Variants in CCL24 observed in about 807,000 individuals in gnomAD.
The protein encoded by CCL24 is C-C motif chemokine ligand 24.
CCL24 carries 6 observed loss-of-function variants against 8.6 expected under a neutral mutation model. The observed-to-expected ratio is 0.70, with a 90% CI of 0.38 to 1.38. The LOEUF is 1.38. CCL24 is among the 40% of genes most tolerant of loss of function. CCL24 has a pLI of 0.02. For synonymous variants in CCL24, 59 were observed against 52.7 expected (o/e 1.12, Z -0.52); for missense variants, 126 against 147.1 (o/e 0.86, Z 0.74).
upstream of CCL24, among the ~76,000 whole-genome samples, chr7:75,814,959 C>A (rs1351807009): frequency 2.0e-5 from 3 of 152,176 alleles, no homozygotes; most frequent in South Asian, 2.1e-4. Flanking sequence ...AAACCACAAG[C>A]CCATGAATCC....
At chr7:75,819,077 T>C (rs1803955170) in intron 1 of CCL24, among the ~76,000 whole-genome samples, 2 of 148,830 alleles carry the variant, frequency 1.3e-5, no homozygotes, top group Non-Finnish European at 1.5e-5. Context: ...GGGACCAGCC[T>C]GACCAACATA....
upstream of CCL24, among the ~76,000 whole-genome samples, chr7:75,816,284 G>C (rs1462194024): frequency 6.6e-6 from 1 of 152,102 alleles, no homozygotes; most frequent in Non-Finnish European, 1.5e-5. Flanking sequence ...GTGTACACAA[G>C]GTAAGTCAGC....
intron 1 of CCL24, among the ~76,000 whole-genome samples, chr7:75,819,893 C>G (rs782763850): frequency 6.6e-6 from 1 of 152,012 alleles, no homozygotes; most frequent in Non-Finnish European, 1.5e-5. Context: ...GCTCACTCCT[C>G]CCAAGCTTTG....
At chr7:75,818,911 C>A (rs970794537) in intron 1 of CCL24, among the ~76,000 whole-genome samples, 11 of 151,502 alleles carry the variant, frequency 7.3e-5, no homozygotes, top group Non-Finnish European at 1.5e-5. Flanking sequence ...TTATGGTCAC[C>A]CTCTTTAATA....
chr7:75,819,298 AAAAAAATATATATATATATATATATATAT>A (rs1803970784), intron 1 of CCL24, among the ~76,000 whole-genome samples: 1 of 21,094 alleles, frequency 4.7e-5, no homozygotes, highest in African/African-American at 1.4e-4. Context: ...AAAAAAAAAA[AAAAAAATATATATATATATATATATATAT>A]ATATATATAT....
intron 1 of CCL24, among the ~76,000 whole-genome samples, chr7:75,820,923 TCATCCATC>T (rs150165581): frequency 3.0e-4 from 43 of 144,348 alleles, no homozygotes; most frequent in South Asian, 1.1e-3. Context: ...ATCCATCAAT[TCATCCATC>T]CATCCATCCA....
intron 1 of CCL24, among the ~76,000 whole-genome samples, chr7:75,819,038 G>A (rs900557391): frequency 6.7e-6 from 1 of 150,228 alleles, no homozygotes; most frequent in Non-Finnish European, 1.5e-5. Context: ...GGAGGCCAAG[G>A]TGGGCAGATC....
chr7:75,820,018 A>ACTTCTTCTT (rs1204717433), intron 1 of CCL24, among the ~76,000 whole-genome samples: 2,365 of 104,304 alleles, frequency 0.023, 64 homozygotes, highest in East Asian at 0.051. Flanking sequence ...TTAGTAAACT[A>ACTTCTTCTT]CTTCTTCTTC....
At chr7:75,820,203 T>C (rs1804017099) in intron 1 of CCL24, among the ~76,000 whole-genome samples, 1 of 149,716 alleles carries the variant, frequency 6.7e-6, no homozygotes. Flanking sequence ...CCTTCTTTTT[T>C]TGAGATGGAA....
rs576402713 is a variant in CCL24, at chr7:75,811,489, A to G, written c.*307T>C. Among the ~76,000 whole-genome samples, 115 of 152,046 alleles carry G rather than the reference A, an allele frequency of 7.6e-4. No individual in the cohort carries two copies. Among genetic ancestry groups the G allele is most frequent in the Non-Finnish European group, 1.3e-3 (91 of 67,966 alleles). ...GCGAGACTCCGTCTCAGAAAAAAAA[A>G]AAAAAGAAAAAGCATCAGAACCAGG... On this transcript the variant is annotated 3_prime_UTR_variant, in exon 3 of 3. Coordinates refer to ENST00000222902, the MANE Select transcript of CCL24 (RefSeq NM_002991.3).
At chr7:75,817,506 A>ATTTT (rs35946971), upstream of CCL24, among the ~76,000 whole-genome samples, 3 of 143,662 alleles carry the variant, frequency 2.1e-5, no homozygotes, top group East Asian at 2.1e-4. Flanking sequence ...AAAATATCCA[A>ATTTT]TTTTTTTTTT....
upstream of CCL24, among the ~76,000 whole-genome samples, chr7:75,816,231 A>G (rs1179989616): frequency 7.2e-5 from 11 of 152,044 alleles, no homozygotes; most frequent in Non-Finnish European, 1.5e-5. Flanking sequence ...TGGACCAGGG[A>G]CTCCTGTGTG....
chr7:75,820,140 C>CTCT, intron 1 of CCL24, among the ~76,000 whole-genome samples: 1 of 133,180 alleles, frequency 7.5e-6, no homozygotes, highest in Non-Finnish European at 1.6e-5. Flanking sequence ...TCTCCTCCTC[C>CTCT]TCCTCCTCCT....
chr7:75,813,421 A>G lies in CCL24; in HGVS notation c.76T>C (p.Ser26Pro), dbSNP rs201420833. 6.2e-7 allele frequency: 1 copy of G among 1,600,828 alleles called. No individual in the cohort carries two copies. The highest frequency in any genetic ancestry group is 2.2e-5 in the East Asian group (1 of 44,758). Residue 26 changes from serine to proline, a missense_variant and splice_region_variant, in exon 2 of 3, where the codon TCT becomes CCT. Physicochemically the swap from Ser to Pro is moderately conservative, Grantham distance 74. Transcript: ENST00000222902. ...CAGCAGGGAGAGGGGATGACCACAG[A>G]GCCTAGAAGAGGAGAGAGAGAAGAG... ...VCAHHIIPTGSVVIPSPCCMF... is the reference protein window; with the variant it reads ...VCAHHIIPTGPVVIPSPCCMF...
intron 1 of CCL24, among the ~76,000 whole-genome samples, chr7:75,820,023 T>A (rs35033400): frequency 1.1e-5 from 1 of 91,556 alleles, no homozygotes; most frequent in African/African-American, 4.0e-5. Flanking sequence ...AAACTACTTC[T>A]TCTTCTTCTT....
Position 75,811,790 on chromosome 7 carries a change from C to T in CCL24, c.*6G>A, listed in dbSNP as rs11465315. The T allele has an allele frequency of 0.46, 741,148 of 1,607,832 alleles. 175,844 individuals carry two copies. The highest frequency in any genetic ancestry group is 0.81 in the East Asian group (36,151 of 44,638). On this transcript the variant is annotated 3_prime_UTR_variant, in exon 3 of 3. Coordinates refer to ENST00000222902, the MANE Select transcript of CCL24 (RefSeq NM_002991.3). The stretch of plus-strand genomic sequence containing the variant: ...CCAAACTCAGGGCTGGAGGGCTGGG[C>T]GGGGATTAGCAGGTGGTTTGGTTGC...
intron 1 of CCL24, among the ~76,000 whole-genome samples, chr7:75,820,018 A>ACGTCTTCTTCTTCCTCTT (rs1230617445): frequency 9.5e-6 from 1 of 104,816 alleles, no homozygotes; most frequent in Non-Finnish European, 2.0e-5. Context: ...TTAGTAAACT[A>ACGTCTTCTTCTTCCTCTT]CTTCTTCTTC....
rs375467639 is a variant in CCL24 at position 75,821,785 on chromosome 7, G to A, written c.-60+1537C>T. Among the ~76,000 whole-genome samples, 26 of 152,140 alleles carry A rather than the reference G, an allele frequency of 1.7e-4. No individual in the cohort carries two copies. The East Asian group carries it at 2.5e-3, about 15-fold the overall frequency. On this transcript the variant is annotated intron_variant, in intron 1 of 3. Coordinates refer to the CCL24 transcript ENST00000416943. ...CTACTAAAAATACAAAAAATTAGCC[G>A]GGCGTAGTGGCGGGCGCCTGTAGTC...
chr7:75,816,407 T>G (rs1395106063), upstream of CCL24, among the ~76,000 whole-genome samples: 1 of 152,102 alleles, frequency 6.6e-6, no homozygotes, highest in Non-Finnish European at 1.5e-5. Context: ...CAGGGCTTCA[T>G]TAGCCTGGCA....
Sources: gnomAD v4.1 joint callset for allele counts (sites outside exome capture counted in the v4.1 genomes callset) on GRCh38, gnomAD v4.1.1 for gene constraint, MANE v1.5 for transcripts, NCBI Gene and HGNC (gene_info 2026-07-23, HGNC 2026-07-21) for gene names.